Variants in ABCB1 observed in about 807,000 individuals in gnomAD.
The protein encoded by ABCB1 is ATP-dependent translocase ABCB1.
ABCB1 carries 69 observed loss-of-function variants against 142.0 expected under a neutral mutation model. The observed-to-expected ratio is 0.49, with a 90% CI of 0.40 to 0.59. ABCB1 has a LOEUF of 0.59. Ranked by LOEUF, ABCB1 falls within the 20% of genes least tolerant of loss-of-function variation. ABCB1 has a pLI of 0.00. For synonymous variants in ABCB1, 532 were observed against 539.2 expected (o/e 0.99, Z 0.18); for missense variants, 1,326 against 1,554.7 (o/e 0.85, Z 2.47).
At chr7:87,676,275 A>G (rs961533712) in intron 1 of ABCB1, among the ~76,000 whole-genome samples, 3 of 152,186 alleles carry the variant, frequency 2.0e-5, no homozygotes, top group African/African-American at 7.2e-5. Context: ...CAAAGGAAAC[A>G]ATCCACAAAA....
chr7:87,569,908 C>G (rs1428103835), intron 5 of ABCB1, among the ~76,000 whole-genome samples: 1 of 152,110 alleles, frequency 6.6e-6, no homozygotes, highest in African/African-American at 2.4e-5. Context: ...AAAAGACTAC[C>G]TTAAACTCCT....
intron 1 of ABCB1, among the ~76,000 whole-genome samples, chr7:87,692,401 G>A (rs895200663): frequency 2.0e-5 from 3 of 152,264 alleles, no homozygotes; most frequent in South Asian, 2.1e-4. Flanking sequence ...AGGTTGCAGC[G>A]AGCTATGAAT....
chr7:87,698,607 A>G (rs985085801), intron 1 of ABCB1, among the ~76,000 whole-genome samples: 3 of 152,192 alleles, frequency 2.0e-5, no homozygotes, highest in East Asian at 1.9e-4. Flanking sequence ...TGTTCATTGC[A>G]TTTAAGATTA....
rs1815257289 is a variant in ABCB1, at chr7:87,516,540, A to G, written c.3053T>C (p.Ile1018Thr). ...TAGGCCTTCCGTGCTGTAGCTGTCAATCAAAGGGGTTTTTTCAATGATCAT... is the reference window on the plus strand; with the variant it reads ...TAGGCCTTCCGTGCTGTAGCTGTCAGTCAAAGGGGTTTTTTCAATGATCAT... ...IIMIIEKTPLIDSYSTEGLMP... is the reference protein window; with the variant it reads ...IIMIIEKTPLTDSYSTEGLMP... The change falls in exon 24 of 28, where the codon ATT becomes ACT. Residue 1018 changes from isoleucine (I) to threonine (T), a missense_variant. Coordinates refer to ENST00000622132, the MANE Select transcript of ABCB1 (RefSeq NM_001348946.2). The G allele has an allele frequency of 1.2e-6, 2 of 1,614,212 alleles. No homozygotes were observed. Among genetic ancestry groups the G allele is most frequent in the Non-Finnish European group, 1.7e-6 (2 of 1,180,040 alleles).
chr7:87,557,643 A>T (rs1817361469), intron 8 of ABCB1, among the ~76,000 whole-genome samples: 1 of 152,174 alleles, frequency 6.6e-6, no homozygotes, highest in Non-Finnish European at 1.5e-5. Context: ...AAATTTGATC[A>T]TTTTTGCTAG....
At chr7:87,598,749 G>A (rs1290771019) in intron 2 of ABCB1, among the ~76,000 whole-genome samples, 1 of 152,178 alleles carries the variant, frequency 6.6e-6, no homozygotes, top group Non-Finnish European at 1.5e-5. Context: ...GATGTTCTTT[G>A]ATGCTCAAAT....
intron 15 of ABCB1, among the ~76,000 whole-genome samples, chr7:87,545,293 A>G (rs111564467): frequency 1.1e-4 from 17 of 152,300 alleles, no homozygotes; most frequent in African/African-American, 3.9e-4. Flanking sequence ...TTTTGACTCA[A>G]TCAAGTTTAC....
chr7:87,672,821 G>A (rs905108793), intron 1 of ABCB1, among the ~76,000 whole-genome samples: 5 of 152,120 alleles, frequency 3.3e-5, no homozygotes, highest in Non-Finnish European at 5.9e-5. Flanking sequence ...CTGGCTCTGC[G>A]TTACTCCTGG....
At position 87,666,647 on chromosome 7, in the gene ABCB1, T is replaced by C. The variant is rs149654888; in HGVS notation, c.-331+46514A>G. 2.2e-3 allele frequency among the ~76,000 whole-genome samples: 337 copies of C among 152,340 alleles called. 1 individual carries two copies. Among genetic ancestry groups the C allele is most frequent in the African/African-American group, 7.3e-3 (305 of 41,580 alleles). On this transcript the variant is annotated intron_variant, in intron 1 of 28. Transcript: ENST00000265724. ...GTTTTACATTTAGGTCTTTAATCCA[T>C]CTTGAGTTTATTTTTGTGTATAGTG...
chr7:87,545,780 C>G (rs953780098), intron 15 of ABCB1, 83 bp downstream of exon 15: 59 of 1,442,180 alleles, frequency 4.1e-5, no homozygotes, highest in Admixed American at 2.5e-4. Flanking sequence ...GTAATCAAAT[C>G]AAATAATATT....
chr7:87,708,751 A>G (rs1052514691), intron 1 of ABCB1, among the ~76,000 whole-genome samples: 4 of 152,168 alleles, frequency 2.6e-5, no homozygotes, highest in Admixed American at 6.5e-5. Context: ...TGGTGGTAAA[A>G]TGAATTTCTT....
intron 1 of ABCB1, among the ~76,000 whole-genome samples, chr7:87,608,254 C>A (rs1268772219): frequency 6.6e-6 from 1 of 152,168 alleles, no homozygotes; most frequent in Non-Finnish European, 1.5e-5. Context: ...AACTAAAACT[C>A]CTTACTTGTA....
rs1353908159 is a variant in ABCB1 at position 87,653,654 on chromosome 7, T to C, written c.-330-52576A>G. Among the ~76,000 whole-genome samples the C allele has an allele frequency of 2.6e-5, 4 of 152,248 alleles. 1 individual carries two copies. The highest frequency in any genetic ancestry group is 2.6e-4 in the Admixed American group (4 of 15,270). On this transcript the variant is annotated intron_variant, in intron 1 of 28. Transcript: ENST00000265724. The stretch of plus-strand genomic sequence containing the variant: ...TATTGTGCTTTGGTCTTTTTTCTGC[T>C]ACTTTTTTTTCAAATGCGAGCCTAA...
At chr7:87,669,294 A>G (rs1158887539) in intron 1 of ABCB1, among the ~76,000 whole-genome samples, 1 of 152,004 alleles carries the variant, frequency 6.6e-6, no homozygotes, top group Non-Finnish European at 1.5e-5. Flanking sequence ...TTCAGATTGC[A>G]ATCCCTTCTT....
In ABCB1 at chr7:87,583,068, G is replaced by T. The variant is rs186085723; in HGVS notation, c.286+2444C>A. Among the ~76,000 whole-genome samples the T allele has an allele frequency of 4.5e-3, 685 of 152,218 alleles. 1 individual carries two copies. Among genetic ancestry groups the T allele is most frequent in the Middle Eastern group, 0.017 (5 of 294 alleles). ...AATTGAGGTAGTATCACAGAATTTT[G>T]TAAAGAAGAAATTATATAAGGAACC... is the stretch of plus-strand genomic sequence containing the variant. On this transcript the variant is annotated intron_variant, in intron 4 of 27. Coordinates refer to ENST00000622132, the MANE Select transcript of ABCB1 (RefSeq NM_001348946.2).
chr7:87,550,127 G>A lies in ABCB1; in HGVS notation c.1350+44C>T, dbSNP rs2032588. 99,711 of 1,613,930 alleles carry A rather than the reference G, an allele frequency of 0.062. 4,242 individuals carry two copies. The highest frequency in any genetic ancestry group is 0.2 in the African/African-American group (15,047 of 75,008). ...GCAACATCAGAAAGATGTGCAATGT[G>A]ACTGCTGATCACCGCAGGGTCTAGC... On this transcript the variant is annotated intron_variant, in intron 12 of 27. Transcript: ENST00000622132.
At chr7:87,659,130 C>T (rs1824433573) in intron 1 of ABCB1, 1 of 335,860 alleles carries the variant, frequency 3.0e-6, no homozygotes, top group South Asian at 2.5e-5. Flanking sequence ...CCACTGCAAT[C>T]TAGCCTGGGC....
chr7:87,629,161 A>AATTC, intron 1 of ABCB1: 3 of 407,210 alleles, frequency 7.4e-6, no homozygotes, highest in Non-Finnish European at 1.3e-5. Flanking sequence ...TCCAGTGCTG[A>AATTC]AGGTACTGGA....
At chr7:87,553,211 C>T (rs367603832) in intron 9 of ABCB1, among the ~76,000 whole-genome samples, 34 of 151,578 alleles carry the variant, frequency 2.2e-4, no homozygotes, top group African/African-American at 7.0e-4. Context: ...AGATTGCTAA[C>T]GTTAATATTA....
Sources: allele counts gnomAD v4.1 joint callset (sites outside exome capture counted in the v4.1 genomes callset), GRCh38; gene constraint gnomAD v4.1.1; transcripts MANE v1.5; gene names NCBI Gene and HGNC (gene_info 2026-07-23, HGNC 2026-07-21).